RNF13: variants seen among roughly 807,000 people sequenced by gnomAD.
RNF13 encodes E3 ubiquitin-protein ligase RNF13.
RNF13 carries 19 observed loss-of-function variants against 37.7 expected under a neutral mutation model. That is an observed-to-expected ratio of 0.50 (90% CI 0.35 to 0.74). The LOEUF is 0.74. RNF13 is among the 30% of genes least tolerant of loss of function. The pLI, the probability that RNF13 is intolerant of heterozygous loss-of-function variation, is 0.01. For missense variants in RNF13, 375 were observed against 453.0 expected (o/e 0.83, Z 1.56); for synonymous variants, 144 against 157.8 (o/e 0.91, Z 0.65).
chr3:149,850,257 G>T (rs560776177), intron 2 of RNF13, among the ~76,000 whole-genome samples: 3 of 152,282 alleles, frequency 2.0e-5, no homozygotes, highest in South Asian at 2.1e-4. Flanking sequence ...TAGGATTACA[G>T]GTGTGAGCCA....
chr3:149,820,443 A>T lies in RNF13; in HGVS notation c.-17+7090A>T, dbSNP rs1209640958. On this transcript the variant is annotated intron_variant, in intron 1 of 9. Coordinates refer to ENST00000392894, the MANE Select transcript of RNF13 (RefSeq NM_183381.3). ...AAATAATCCTAGTGAGGAGCTGGTG[A>T]TAAATGAATATTTCTGAATGAAGTC... Among the ~76,000 whole-genome samples, 4 of 152,316 alleles carry T rather than the reference A, an allele frequency of 2.6e-5. No homozygotes were observed. The East Asian group carries it at 7.7e-4, about 29-fold the overall frequency.
chr3:149,895,899 G>A (rs1411823541), intron 5 of RNF13, among the ~76,000 whole-genome samples: 3 of 152,080 alleles, frequency 2.0e-5, no homozygotes, highest in Non-Finnish European at 4.4e-5. Flanking sequence ...ATTATTTTAG[G>A]GTATGCACAT....
At chr3:149,908,398 G>A (rs978024843) in intron 6 of RNF13, among the ~76,000 whole-genome samples, 5 of 152,120 alleles carry the variant, frequency 3.3e-5, no homozygotes, top group Non-Finnish European at 7.4e-5. Flanking sequence ...TCTCTCTGAT[G>A]GTTAGGGATT....
chr3:149,935,411 GTTGT>G (rs1719576615), intron 8 of RNF13, among the ~76,000 whole-genome samples: 1 of 151,872 alleles, frequency 6.6e-6, no homozygotes, highest in Non-Finnish European at 1.5e-5. Context: ...CTGTCATTTT[GTTGT>G]TTGTTTTCTG....
intron 7 of RNF13, among the ~76,000 whole-genome samples, chr3:149,918,722 C>T (rs1430359150): frequency 2.9e-5 from 4 of 137,070 alleles, no homozygotes; most frequent in African/African-American, 1.1e-4. Context: ...AGAGATGGGG[C>T]CTCTCTGTGT....
chr3:149,878,299 G>T (rs1403774242), intron 4 of RNF13, among the ~76,000 whole-genome samples: 1 of 152,126 alleles, frequency 6.6e-6, no homozygotes, highest in Non-Finnish European at 1.5e-5. Context: ...ACGATGTCTA[G>T]GTAAGGAGGA....
chr3:149,948,013 G>A (rs1187252893), intron 8 of RNF13, among the ~76,000 whole-genome samples: 4 of 152,026 alleles, frequency 2.6e-5, no homozygotes, highest in Admixed American at 6.5e-5. Flanking sequence ...GCAGTGGCGC[G>A]ATCTCGGCTC....
intron 3 of RNF13, among the ~76,000 whole-genome samples, chr3:149,853,441 TGAGAGAGAGAGAGGGAGAGAGAGAGA>T (rs1723296126): frequency 7.6e-6 from 1 of 130,742 alleles, no homozygotes; most frequent in Non-Finnish European, 1.6e-5. Context: ...GCTGTGTGTG[TGAGAGAGAGAGAGGGAGAGAGAGAGA>T]GAGAGAGAGA....
chr3:149,940,047 T>A (rs1173509508), intron 8 of RNF13, among the ~76,000 whole-genome samples: 1 of 152,224 alleles, frequency 6.6e-6, no homozygotes. Context: ...ATATCTATTA[T>A]ATTTATCATT....
At chr3:149,854,177 T>C (rs1723423171) in intron 3 of RNF13, among the ~76,000 whole-genome samples, 2 of 152,060 alleles carry the variant, frequency 1.3e-5, no homozygotes, top group Admixed American at 1.3e-4. Flanking sequence ...TATTCTTAAT[T>C]AGGATGGCAG....
intron 1 of RNF13, among the ~76,000 whole-genome samples, chr3:149,829,611 CA>C (rs1352301916): frequency 2.0e-5 from 3 of 152,012 alleles, no homozygotes; most frequent in African/African-American, 7.2e-5. Context: ...TGCTTTCTTG[CA>C]AAAAATATTG....
intron 4 of RNF13, among the ~76,000 whole-genome samples, chr3:149,884,725 C>A (rs1713820179): frequency 6.6e-6 from 1 of 151,906 alleles, no homozygotes; most frequent in Non-Finnish European, 1.5e-5. Flanking sequence ...TATCTATGAC[C>A]TCGAGCATTT....
chr3:149,920,948 A>G (rs1204099610), intron 7 of RNF13, among the ~76,000 whole-genome samples, 186 bp from the exon 8 acceptor site: 1 of 152,156 alleles, frequency 6.6e-6, no homozygotes, highest in Non-Finnish European at 1.5e-5. Context: ...GGGGTAATTC[A>G]TGGGTTAACT....
intron 3 of RNF13, 143 bp from the exon 4 acceptor site, chr3:149,871,886 C>T (rs901072341): frequency 1.8e-5 from 9 of 510,354 alleles, no homozygotes; most frequent in South Asian, 1.7e-4. Flanking sequence ...TTAGAAGTTC[C>T]GTGATTGTGA....
At chr3:149,863,470 C>T (rs1724488989) in intron 3 of RNF13, among the ~76,000 whole-genome samples, 1 of 152,124 alleles carries the variant, frequency 6.6e-6, no homozygotes, top group African/African-American at 2.4e-5. Context: ...AGCTATGCCT[C>T]CTGGGTTCAA....
intron 3 of RNF13, among the ~76,000 whole-genome samples, chr3:149,853,320 A>G (rs897336849): frequency 2.0e-5 from 3 of 152,160 alleles, no homozygotes; most frequent in Non-Finnish European, 2.9e-5. Flanking sequence ...TTAGAATTCT[A>G]TCAATAACAT....
At chr3:149,878,271 CAG>C (rs1445526154) in intron 4 of RNF13, among the ~76,000 whole-genome samples, 4 of 152,080 alleles carry the variant, frequency 2.6e-5, no homozygotes, top group African/African-American at 9.7e-5. Context: ...TCAGATTACT[CAG>C]ATATACTATA....
chr3:149,836,223 C>A (rs531249449), intron 1 of RNF13, among the ~76,000 whole-genome samples: 1 of 152,190 alleles, frequency 6.6e-6, no homozygotes, highest in South Asian at 2.1e-4. Context: ...CCTTAGCCCA[C>A]TTTTTGATGG....
rs1406119006 is a variant in RNF13 at position 149,939,712 on chromosome 3, TA to T, written c.700+18487del. Reference sequence around the variant, plus strand: ...TTCATCATTATTCACCTTAAAGTGATAATCTTTGTCGGCCTTTTGTTGACAA... The same window carrying T: ...TTCATCATTATTCACCTTAAAGTGATATCTTTGTCGGCCTTTTGTTGACAA... On this transcript the variant is annotated intron_variant, in intron 8 of 9. Transcript: ENST00000392894. 6 of 804,970 alleles carry T rather than the reference TA, an allele frequency of 7.5e-6. No individual in the cohort carries two copies. The African/African-American group carries it at 8.5e-5, about 11-fold the overall frequency. The allele number at this position is 804,970 out of a possible 1,614,324, so 49.9% of individuals were successfully genotyped here. A position where few individuals can be genotyped will look rare whatever the true frequency, so the allele number is the denominator to read the frequency against.
Sources: gnomAD v4.1 joint callset for allele counts (sites outside exome capture counted in the v4.1 genomes callset) on GRCh38, gnomAD v4.1.1 for gene constraint, MANE v1.5 for transcripts, NCBI Gene and HGNC (gene_info 2026-07-23, HGNC 2026-07-21) for gene names.